GRID2: variants seen among roughly 807,000 people sequenced by gnomAD.
The protein encoded by GRID2 is glutamate ionotropic receptor delta type subunit 2, also known as glutamate receptor ionotropic, delta-2.
In GRID2, 33 loss-of-function variants were observed where a neutral mutation model predicts 114.8. The observed-to-expected ratio is 0.29, with a 90% CI of 0.22 to 0.38. The LOEUF (loss-of-function observed/expected upper bound fraction) is 0.38, where lower values mean the gene tolerates loss of function less well. GRID2 is among the 10% of genes least tolerant of loss of function. GRID2 has a pLI of 1.00. For synonymous variants in GRID2, 505 were observed against 449.9 expected (o/e 1.12, Z -1.55); for missense variants, 1,184 against 1,257.7 (o/e 0.94, Z 0.89).
intron 2 of GRID2, among the ~76,000 whole-genome samples, chr4:92,751,188 C>A (rs968531220): frequency 2.0e-5 from 3 of 151,972 alleles, no homozygotes; most frequent in Non-Finnish European, 4.4e-5. Context: ...GACATTTTAT[C>A]AGGTTTTAAA....
At chr4:93,072,604 A>AT (rs1028222759) in intron 2 of GRID2, among the ~76,000 whole-genome samples, 3 of 151,600 alleles carry the variant, frequency 2.0e-5, no homozygotes, top group Non-Finnish European at 2.9e-5. Flanking sequence ...TTTTATGTGG[A>AT]TTTTTTCAAT....
Position 92,873,263 on chromosome 4 carries a change from C to G in GRID2, c.245-211732C>G, listed in dbSNP as rs1745402287. On this transcript the variant is annotated intron_variant, in intron 2 of 15. Transcript: ENST00000282020. ...TATTATGTAGTATAGTTTTCACAGA[C>G]TCATTTACTGAGGTAGAATAGATCT... Among the ~76,000 whole-genome samples the G allele has an allele frequency of 5.3e-5, 8 of 152,196 alleles. No homozygotes were observed. In the South Asian group the frequency reaches 1.7e-3, roughly 32 times the overall value.
At chr4:93,073,211 C>T (rs1036480954) in intron 2 of GRID2, among the ~76,000 whole-genome samples, 3 of 152,124 alleles carry the variant, frequency 2.0e-5, no homozygotes, top group African/African-American at 7.2e-5. Flanking sequence ...AAAAAGAAGC[C>T]ATGACATTAC....
At chr4:93,501,101 C>T (rs1728052274) in intron 12 of GRID2, among the ~76,000 whole-genome samples, 1 of 151,976 alleles carries the variant, frequency 6.6e-6, no homozygotes, top group Non-Finnish European at 1.5e-5. Context: ...TATTCACTCA[C>T]TGAGTGAACT....
chr4:93,453,485 T>C (rs1279804015), intron 10 of GRID2, among the ~76,000 whole-genome samples: 2 of 152,068 alleles, frequency 1.3e-5, no homozygotes, highest in African/African-American at 4.8e-5. Context: ...TAGGAATTTG[T>C]TTATAGATAT....
intron 2 of GRID2, among the ~76,000 whole-genome samples, chr4:92,636,874 G>GT (rs1036896165): frequency 5.7e-4 from 87 of 151,546 alleles, no homozygotes; most frequent in African/African-American, 1.4e-3. Flanking sequence ...TTCTTAGATT[G>GT]TTTTTTTTAA....
At chr4:93,338,193 T>A (rs1029812460) in intron 8 of GRID2, among the ~76,000 whole-genome samples, 12 of 152,200 alleles carry the variant, frequency 7.9e-5, no homozygotes, top group African/African-American at 2.9e-4. Flanking sequence ...GGAAGCATAT[T>A]TTCTCATTTT....
chr4:92,446,556 T>C (rs1733480607), intron 1 of GRID2, among the ~76,000 whole-genome samples: 1 of 152,232 alleles, frequency 6.6e-6, no homozygotes, highest in African/African-American at 2.4e-5. Flanking sequence ...TGTAAAGTTC[T>C]CTGATATGGG....
intron 1 of GRID2, among the ~76,000 whole-genome samples, chr4:92,565,075 G>A (rs140423708): frequency 7.6e-4 from 116 of 152,002 alleles, no homozygotes; most frequent in African/African-American, 2.6e-3. Context: ...ATACAGTTTT[G>A]GCAAGTCACC....
chr4:92,490,833 G>C (rs948319764), intron 1 of GRID2, among the ~76,000 whole-genome samples: 65 of 152,002 alleles, frequency 4.3e-4, no homozygotes, highest in African/African-American at 1.4e-3. Context: ...AGAAAAACCA[G>C]AAGAAACAAA....
chr4:93,234,773 A>G (rs553507674), intron 7 of GRID2, among the ~76,000 whole-genome samples: 1 of 151,948 alleles, frequency 6.6e-6, no homozygotes, highest in Non-Finnish European at 1.5e-5. Flanking sequence ...CTGATGAAAC[A>G]TGAAGGCATC....
intron 2 of GRID2, among the ~76,000 whole-genome samples, chr4:92,745,752 G>C (rs1333978418): frequency 6.6e-6 from 1 of 151,848 alleles, no homozygotes; most frequent in South Asian, 2.1e-4. Context: ...TTTGTTCTTT[G>C]GTTTCAGTTT....
At chr4:93,011,492 A>G (rs548169638) in intron 2 of GRID2, among the ~76,000 whole-genome samples, 1 of 152,166 alleles carries the variant, frequency 6.6e-6, no homozygotes, top group South Asian at 2.1e-4. Context: ...GTTCCCCTGG[A>G]AACCAGCCCC....
intron 2 of GRID2, among the ~76,000 whole-genome samples, chr4:92,810,547 G>A (rs1442195624): frequency 6.6e-6 from 1 of 151,942 alleles, no homozygotes; most frequent in African/African-American, 2.4e-5. Flanking sequence ...CATTGGCACT[G>A]TTACTGGTAG....
At chr4:93,268,023 A>G (rs1751045776) in intron 8 of GRID2, among the ~76,000 whole-genome samples, 1 of 152,138 alleles carries the variant, frequency 6.6e-6, no homozygotes, top group Non-Finnish European at 1.5e-5. Context: ...TATTGCAGAG[A>G]CACTCACCTG....
chr4:93,091,714 A>G (rs1283041237), intron 3 of GRID2, among the ~76,000 whole-genome samples: 2 of 152,118 alleles, frequency 1.3e-5, no homozygotes, highest in African/African-American at 4.8e-5. Flanking sequence ...ACTTACAGAG[A>G]CTGATTGTGT....
At chr4:93,283,098 A>G (rs1752814995) in intron 8 of GRID2, among the ~76,000 whole-genome samples, 1 of 152,072 alleles carries the variant, frequency 6.6e-6, no homozygotes, top group South Asian at 2.1e-4. Flanking sequence ...CATCCAAACC[A>G]TATCATACCC....
At chr4:92,346,719 G>A (rs941908924) in intron 1 of GRID2, among the ~76,000 whole-genome samples, 13 of 152,066 alleles carry the variant, frequency 8.5e-5, no homozygotes, top group Admixed American at 2.6e-4. Context: ...GTAAAAGTTC[G>A]AATATTCATG....
intron 2 of GRID2, among the ~76,000 whole-genome samples, chr4:92,819,004 T>C (rs1337991711): frequency 2.6e-5 from 4 of 152,124 alleles, no homozygotes; most frequent in African/African-American, 9.6e-5. Context: ...TCACTGTATA[T>C]ACCTGAATGC....
Sources: allele counts gnomAD v4.1 joint callset (sites outside exome capture counted in the v4.1 genomes callset), GRCh38; gene constraint gnomAD v4.1.1; transcripts MANE v1.5; gene names NCBI Gene and HGNC (gene_info 2026-07-23, HGNC 2026-07-21).